The following FHOD3 variants were observed in gnomAD, a reference collection of about 807,000 sequenced individuals.
FHOD3 encodes FH1/FH2 domain-containing protein 3.
FHOD3 carries 90 observed loss-of-function variants against 173.0 expected under a neutral mutation model. The ratio of observed to expected loss-of-function variants is 0.52; its 90% CI spans 0.44 to 0.62. FHOD3 has a LOEUF of 0.62. FHOD3 is among the 20% of genes least tolerant of loss of function. The probability of loss-of-function intolerance (pLI) is 0.00; values close to 1 mark genes in which losing one functional copy is unlikely to be tolerated. For synonymous variants in FHOD3, 828 were observed against 823.0 expected (o/e 1.01, Z -0.10); for missense variants, 1,945 against 2,034.7 (o/e 0.96, Z 0.85).
intron 3 of FHOD3, among the ~76,000 whole-genome samples, chr18:36,491,513 A>T (rs2054471601): frequency 1.3e-5 from 2 of 152,200 alleles, no homozygotes; most frequent in South Asian, 4.1e-4. Context: ...CCATTACAGT[A>T]TCATACAGAA....
Position 36,760,823 on chromosome 18 carries a change from T to C in FHOD3, c.4624+41T>C, listed in dbSNP as rs1374470108. 9 of 1,556,694 alleles carry C rather than the reference T, an allele frequency of 5.8e-6. No homozygotes were observed. The South Asian group carries it at 9.4e-5, about 16-fold the overall frequency. On this transcript the variant is annotated intron_variant, in intron 27 of 28. Coordinates refer to ENST00000590592, the MANE Select transcript of FHOD3 (RefSeq NM_001281740.3). ...GCGGGGCTCGTCTTGTCTTCTCAGG[T>C]TGGCCGCTCTGGGGGGGTCCGGTCT... is the stretch of plus-strand genomic sequence containing the variant.
intron 2 of FHOD3, among the ~76,000 whole-genome samples, chr18:36,363,834 T>C (rs534187276): frequency 6.6e-6 from 1 of 151,286 alleles, no homozygotes; most frequent in African/African-American, 2.4e-5. Flanking sequence ...AGTTAATCTG[T>C]TGTAACAGAT....
chr18:36,347,442 T>C (rs1188278930), intron 1 of FHOD3, among the ~76,000 whole-genome samples: 1 of 152,210 alleles, frequency 6.6e-6, no homozygotes, highest in Non-Finnish European at 1.5e-5. Context: ...CTGGACTCTT[T>C]TGTTGACTTA....
intron 6 of FHOD3, among the ~76,000 whole-genome samples, chr18:36,589,551 G>A (rs1275222788): frequency 6.6e-6 from 1 of 152,172 alleles, no homozygotes; most frequent in East Asian, 1.9e-4. Flanking sequence ...CTCTCTGTTT[G>A]CATCTGTCCT....
intron 10 of FHOD3, among the ~76,000 whole-genome samples, chr18:36,645,474 C>T (rs1437983992): frequency 2.0e-5 from 3 of 152,040 alleles, no homozygotes; most frequent in Non-Finnish European, 4.4e-5. Flanking sequence ...GTGGCTTCTG[C>T]CATGACAGGA....
chr18:36,726,588 A>C (rs1197010678), intron 19 of FHOD3, among the ~76,000 whole-genome samples: 1 of 152,142 alleles, frequency 6.6e-6, no homozygotes, highest in East Asian at 1.9e-4. Context: ...ATCATTGACC[A>C]ATTTCCTTAT....
In FHOD3 at chr18:36,625,780, G is replaced by C. The variant is rs1239943783; in HGVS notation, c.1196+31G>C. ...CATTAACTTGGCAGTGGAGAGGGGT[G>C]CAAGGATGCCATCCAAAAGAGAGCC... On this transcript the variant is annotated intron_variant, in intron 10 of 28. Transcript: ENST00000590592. The C allele has an allele frequency of 5.8e-6, 9 of 1,546,012 alleles. No individual in the cohort carries two copies. In the African/African-American group the frequency reaches 8.2e-5, roughly 14 times the overall value.
chr18:36,395,297 A>G (rs914767901), intron 3 of FHOD3, among the ~76,000 whole-genome samples: 1 of 148,538 alleles, frequency 6.7e-6, no homozygotes, highest in African/African-American at 2.5e-5. Context: ...AGTCTGGGTG[A>G]TAGAGTGAGA....
intron 3 of FHOD3, among the ~76,000 whole-genome samples, chr18:36,468,992 C>T (rs1035704993): frequency 4.6e-5 from 7 of 152,154 alleles, no homozygotes; most frequent in Non-Finnish European, 1.0e-4. Context: ...AACAAGCAAA[C>T]ACTTGTGTCA....
At chr18:36,685,893 A>G (rs2038579273) in intron 15 of FHOD3, among the ~76,000 whole-genome samples, 1 of 152,200 alleles carries the variant, frequency 6.6e-6, no homozygotes, top group Non-Finnish European at 1.5e-5. Flanking sequence ...AACAGCAGGA[A>G]CAGAAAAACA....
chr18:36,445,301 G>A (rs1461417234), intron 3 of FHOD3, among the ~76,000 whole-genome samples: 3 of 152,112 alleles, frequency 2.0e-5, no homozygotes, highest in Admixed American at 2.0e-4. Flanking sequence ...TGCTTGTGGT[G>A]GTAAATTCAG....
chr18:36,564,559 G>C (rs1335054354), intron 5 of FHOD3, among the ~76,000 whole-genome samples: 1 of 152,156 alleles, frequency 6.6e-6, no homozygotes, highest in African/African-American at 2.4e-5. Flanking sequence ...CTTTGCTGCT[G>C]TTGGGAAGAT....
At chr18:36,779,176 C>T (rs1246003853) in intron 28 of FHOD3, 4 of 482,912 alleles carry the variant, frequency 8.3e-6, no homozygotes, top group Admixed American at 3.4e-5. Context: ...CCTTTCTCTC[C>T]TCTTTATAAG....
In FHOD3 at chr18:36,718,224, T is replaced by A; in HGVS notation, c.2926T>A (p.Ser976Thr). 1 of 1,613,750 alleles carries A rather than the reference T, an allele frequency of 6.2e-7. No individual in the cohort carries two copies. The highest frequency in any genetic ancestry group is 8.5e-7 in the Non-Finnish European group (1 of 1,179,920). Residue 976 changes from serine (S) to threonine (T), a missense_variant, in exon 19 of 29, where the codon TCT becomes ACT. Around this residue, in one of 5 missense-constraint regions of FHOD3, gnomAD observed 1,099 missense variants for 1,051.2 expected, o/e 1.05. Transcript: ENST00000590592. ...AGCGCCGGTGCAGCCGAAGACAGAGTCTGATTACATCTGGGACCAGCTCAT... is the reference window on the plus strand; with the variant it reads ...AGCGCCGGTGCAGCCGAAGACAGAGACTGATTACATCTGGGACCAGCTCAT... ...ETAPVQPKTESDYIWDQLMAN... is the reference protein window; with the variant it reads ...ETAPVQPKTETDYIWDQLMAN...
At chr18:36,654,827 A>G (rs890840342) in intron 13 of FHOD3, among the ~76,000 whole-genome samples, 37 of 152,186 alleles carry the variant, frequency 2.4e-4, no homozygotes, top group African/African-American at 8.7e-4. Flanking sequence ...GCAGTGCCCC[A>G]CACTGATTCC....
intron 28 of FHOD3, among the ~76,000 whole-genome samples, chr18:36,775,649 G>A (rs1600671080): frequency 6.6e-6 from 1 of 152,218 alleles, no homozygotes; most frequent in East Asian, 1.9e-4. Context: ...AGAGTCACCT[G>A]TGAGCCCTTT....
At chr18:36,765,191 A>G (rs1335262841) in intron 27 of FHOD3, among the ~76,000 whole-genome samples, 1 of 152,228 alleles carries the variant, frequency 6.6e-6, no homozygotes, top group Non-Finnish European at 1.5e-5. Flanking sequence ...GATGTCCTGC[A>G]GTCTTTAAAC....
chr18:36,366,440 C>T (rs550685546), intron 2 of FHOD3, among the ~76,000 whole-genome samples: 207 of 152,274 alleles, frequency 1.4e-3, no homozygotes, highest in African/African-American at 4.6e-3. Context: ...CAGCCATGTC[C>T]ACAGCATGTT....
intron 23 of FHOD3, among the ~76,000 whole-genome samples, chr18:36,745,049 AAGAG>A (rs530368093): frequency 6.6e-6 from 1 of 152,082 alleles, no homozygotes; most frequent in Non-Finnish European, 1.5e-5. Flanking sequence ...GCATGAGAGG[AAGAG>A]AGAGAGTGGT....
Sources: gnomAD v4.1 joint callset for allele counts (sites outside exome capture counted in the v4.1 genomes callset) on GRCh38, gnomAD v4.1.1 for gene constraint, gnomAD v4.1.1 regional missense constraint, MANE v1.5 for transcripts, NCBI Gene and HGNC (gene_info 2026-07-23, HGNC 2026-07-21) for gene names.